Variants in DAPK1 observed in about 807,000 individuals in gnomAD.
DAPK1 encodes the protein death-associated protein kinase 1.
A neutral mutation model predicts 144.9 loss-of-function variants in DAPK1; 56 were observed. The observed-to-expected ratio is 0.39, with a 90% CI of 0.31 to 0.48. The LOEUF (loss-of-function observed/expected upper bound fraction) is 0.48. Among genes scored for constraint, DAPK1 ranks in the 20% least tolerant of loss-of-function variants. The pLI, the probability that DAPK1 is intolerant of heterozygous loss-of-function variation, is 0.95. For synonymous variants in DAPK1, 690 were observed against 749.0 expected (o/e 0.92, Z 1.29); for missense variants, 1,454 against 1,875.4 (o/e 0.78, Z 4.15).
At chr9:87,497,504 C>CACAAGCTGGGATCCCAGT (rs1824207866), upstream of DAPK1, among the ~76,000 whole-genome samples, 5 of 152,376 alleles carry the variant, frequency 3.3e-5, no homozygotes, top group South Asian at 6.2e-4. Flanking sequence ...CCGTGCCCGG[C>CACAAGCTGGGATCCCAGT]ACAAGCTGGG....
At chr9:87,592,071 C>A (rs568808618) in intron 2 of DAPK1, among the ~76,000 whole-genome samples, 45 of 152,356 alleles carry the variant, frequency 3.0e-4, no homozygotes, top group Non-Finnish European at 5.9e-4. Context: ...ATTCTTTAAA[C>A]AGGCCAGGCT....
intron 2 of DAPK1, among the ~76,000 whole-genome samples, chr9:87,513,577 G>C (rs1213848877): frequency 1.3e-5 from 2 of 152,220 alleles, no homozygotes; most frequent in African/African-American, 4.8e-5. Flanking sequence ...TAGACCAGCA[G>C]CTGGAGGTAG....
chr9:87,674,514 C>CAAA (rs35817698), intron 19 of DAPK1, among the ~76,000 whole-genome samples: 71 of 67,566 alleles, frequency 1.1e-3, no homozygotes, highest in South Asian at 1.4e-3. Flanking sequence ...GACTCTGTCT[C>CAAA]AAAAAAAAAA....
At chr9:87,567,577 AG>A (rs1334869604) in intron 2 of DAPK1, among the ~76,000 whole-genome samples, 1 of 152,132 alleles carries the variant, frequency 6.6e-6, no homozygotes, top group Non-Finnish European at 1.5e-5. Flanking sequence ...CTCGGTTGTG[AG>A]GATGCTTTTT....
chr9:87,604,872 C>T, intron 2 of DAPK1, 82 bp from the exon 3 acceptor site: 6 of 1,247,150 alleles, frequency 4.8e-6, no homozygotes, highest in Non-Finnish European at 6.8e-6. Flanking sequence ...GTTCTCTTGT[C>T]CCCCTCTGCA....
chr9:87,678,105 GA>G (rs761829111), intron 19 of DAPK1, among the ~76,000 whole-genome samples: 17 of 152,284 alleles, frequency 1.1e-4, no homozygotes, highest in Non-Finnish European at 2.2e-4. Context: ...TTTGAGGTCA[GA>G]AGAAAACACC....
chr9:87,572,577 GT>G (rs1827398315), intron 2 of DAPK1, among the ~76,000 whole-genome samples: 1 of 152,078 alleles, frequency 6.6e-6, no homozygotes, highest in Admixed American at 6.6e-5. Context: ...TAGTGAGTGA[GT>G]TTTGGTGAGA....
In DAPK1 at chr9:87,514,397, T is replaced by G. The variant is rs569992374; in HGVS notation, c.62+15258T>G. ...GCTGAGACAGACAATGGGTATGACC[T>G]GGAGAACCTGCTGGTGAGGCTTGTG... On this transcript the variant is annotated intron_variant, in intron 2 of 25. Coordinates refer to ENST00000408954, the MANE Select transcript of DAPK1 (RefSeq NM_004938.4). Among the ~76,000 whole-genome samples the G allele has an allele frequency of 7.9e-5, 12 of 152,340 alleles. No homozygotes were observed. In the East Asian group the frequency reaches 2.3e-3, roughly 29 times the overall value.
In DAPK1 at chr9:87,650,031, G is replaced by A. The variant is rs201798288; in HGVS notation, c.1539G>A (p.Thr513=). The change falls in exon 16 of 26, where the codon ACG becomes ACA. Residue 513 remains threonine (T), a synonymous_variant. Coordinates refer to ENST00000408954, the MANE Select transcript of DAPK1 (RefSeq NM_004938.4). The part of the protein sequence containing the change: ...NVNIKNREGE[T]PLLTASARGY... ...ACATCAAGAACCGAGAAGGAGAGAC[G>A]CCCCTCCTGACAGCCTCTGCCAGGG... The A allele has an allele frequency of 7.2e-4, 1,162 of 1,614,096 alleles. 1 individual carries two copies. Among genetic ancestry groups the A allele is most frequent in the Non-Finnish European group, 9.0e-4 (1,058 of 1,180,018 alleles).
chr9:87,618,860 C>T (rs1441384322), intron 3 of DAPK1, among the ~76,000 whole-genome samples: 1 of 152,150 alleles, frequency 6.6e-6, no homozygotes, highest in Non-Finnish European at 1.5e-5. Flanking sequence ...CCTGAAAATA[C>T]TAAAACCCAG....
intron 2 of DAPK1, among the ~76,000 whole-genome samples, chr9:87,518,611 T>C (rs554293911): frequency 1.3e-5 from 2 of 152,328 alleles, no homozygotes; most frequent in African/African-American, 4.8e-5. Flanking sequence ...GAAATGACTG[T>C]AGACTATGCC....
chr9:87,654,710 C>G (rs1830573961), intron 17 of DAPK1, among the ~76,000 whole-genome samples: 1 of 152,188 alleles, frequency 6.6e-6, no homozygotes, highest in African/African-American at 2.4e-5. Context: ...CAAGGGACAT[C>G]TGCACTTATT....
intron 10 of DAPK1, among the ~76,000 whole-genome samples, chr9:87,642,732 G>A (rs1393812294): frequency 6.6e-6 from 1 of 152,104 alleles, no homozygotes; most frequent in East Asian, 1.9e-4. Context: ...TACCAATTTT[G>A]GGGTGCCGTG....
chr9:87,593,358 A>C (rs949162789), intron 2 of DAPK1, among the ~76,000 whole-genome samples: 6 of 152,246 alleles, frequency 3.9e-5, no homozygotes, highest in Admixed American at 6.5e-5. Context: ...CCTACCCTTT[A>C]AAAACATGCA....
intron 2 of DAPK1, among the ~76,000 whole-genome samples, chr9:87,529,204 T>G (rs1358141661): frequency 2.0e-5 from 3 of 152,200 alleles, no homozygotes. Flanking sequence ...CTCTTCCAAG[T>G]GTACTTTACT....
intron 2 of DAPK1, among the ~76,000 whole-genome samples, chr9:87,549,187 A>G (rs566734206): frequency 2.0e-5 from 3 of 152,146 alleles, no homozygotes; most frequent in East Asian, 3.9e-4. Context: ...GAGAACATGC[A>G]GTGTTTGGTT....
At chr9:87,516,006 G>A (rs922810092) in intron 2 of DAPK1, among the ~76,000 whole-genome samples, 4 of 152,270 alleles carry the variant, frequency 2.6e-5, no homozygotes, top group Admixed American at 2.6e-4. Context: ...TGAATCCCCA[G>A]GGAGAACACA....
Position 87,630,456 on chromosome 9 carries a change from A to G in DAPK1, c.285-7487A>G, listed in dbSNP as rs36210369. Among the ~76,000 whole-genome samples, 536 of 152,244 alleles carry G rather than the reference A, an allele frequency of 3.5e-3. 6 individuals are homozygous for G. The highest frequency in any genetic ancestry group is 0.012 in the African/African-American group (515 of 41,534). ...TCCAGGCAGTGACTCAGGGATCTAC[A>G]TTCCTTCTACCTAGCCTTTGCTGCC... On this transcript the variant is annotated intron_variant, in intron 3 of 25. Transcript: ENST00000408954.
At chr9:87,678,046 C>T (rs931518857) in intron 19 of DAPK1, among the ~76,000 whole-genome samples, 1 of 152,160 alleles carries the variant, frequency 6.6e-6, no homozygotes, top group Non-Finnish European at 1.5e-5. Flanking sequence ...TATCAAGACC[C>T]CCAGTCCTTT....
Sources: allele counts gnomAD v4.1 joint callset (sites outside exome capture counted in the v4.1 genomes callset), GRCh38; gene constraint gnomAD v4.1.1; transcripts MANE v1.5; gene names NCBI Gene and HGNC (gene_info 2026-07-23, HGNC 2026-07-21).